The following ZNF608 variants were observed in gnomAD, a reference collection of about 807,000 sequenced individuals.
ZNF608 encodes zinc finger protein 608.
A neutral mutation model predicts 109.0 loss-of-function variants in ZNF608; 12 were observed. The observed-to-expected ratio is 0.11, with a 90% CI of 0.07 to 0.18. ZNF608 has a LOEUF of 0.18. ZNF608 is among the 10% of genes least tolerant of loss of function. ZNF608 has a pLI of 1.00. For missense variants in ZNF608, 1,707 were observed against 1,879.3 expected, an observed-to-expected ratio of 0.91 and a Z score of 1.70; for synonymous variants, 732 against 717.4, an observed-to-expected ratio of 1.02 and a Z score of -0.33.
intron 3 of ZNF608, among the ~76,000 whole-genome samples, chr5:124,669,677 A>AC (rs1751636159): frequency 6.6e-6 from 1 of 151,832 alleles, no homozygotes; most frequent in African/African-American, 2.4e-5. Context: ...ACACACACAC[A>AC]CACACACACT....
intron 3 of ZNF608, among the ~76,000 whole-genome samples, chr5:124,657,840 CAA>C (rs1162846351): frequency 4.6e-5 from 7 of 151,890 alleles, no homozygotes; most frequent in Non-Finnish European, 8.8e-5. Context: ...TTTTAAGTAA[CAA>C]AGAGCATCAT....
intron 2 of ZNF608, among the ~76,000 whole-genome samples, chr5:124,723,177 C>A (rs116190950): frequency 0.013 from 2,004 of 151,932 alleles, 43 homozygotes; most frequent in African/African-American, 0.045. Flanking sequence ...ATTACAGGCA[C>A]GCGACACCAC....
At chr5:124,705,535 T>C (rs1025201592) in intron 2 of ZNF608, among the ~76,000 whole-genome samples, 3 of 152,188 alleles carry the variant, frequency 2.0e-5, no homozygotes, top group Non-Finnish European at 4.4e-5. Context: ...TGGTCTGATA[T>C]TATAGTTCCC....
chr5:124,644,681 G>GA lies in ZNF608; in HGVS notation c.3706-21dup, dbSNP rs755871868. On this transcript the variant is annotated intron_variant, in intron 5 of 9. Transcript: ENST00000513986. ...TGGGTCCTGATTTTTTTGTTTTAAA[G>GA]AAAAAAAACCCAACAGATTTGTTTT... 2.7e-4 allele frequency: 402 copies of GA among 1,513,426 alleles called. 2 individuals carry two copies. In the Middle Eastern group the frequency reaches 3.4e-3, roughly 13 times the overall value. 93.7% of individuals were successfully genotyped at this position (1,513,426 alleles called of 1,614,324 possible).
At chr5:124,659,897 G>A (rs1751176672) in intron 3 of ZNF608, among the ~76,000 whole-genome samples, 1 of 152,152 alleles carries the variant, frequency 6.6e-6, no homozygotes, top group South Asian at 2.1e-4. Flanking sequence ...AAATTATGAT[G>A]CTTTATTTAA....
In ZNF608 at chr5:124,724,496, CA is replaced by C. The variant is rs5871102; in HGVS notation, c.906+19587del. On this transcript the variant is annotated intron_variant, in intron 2 of 9. Coordinates refer to ENST00000513986, the MANE Select transcript of ZNF608 (RefSeq NM_020747.3). ...AAACCCAGGGAGTATGCAAAGAGTG[CA>C]AAAAAAAAAAAAAAAAAAGACTGGC... Among the ~76,000 whole-genome samples, 77 of 100,064 alleles carry C rather than the reference CA, an allele frequency of 7.7e-4. No homozygotes were observed. In the East Asian group the frequency reaches 0.01, roughly 13 times the overall value. The allele number at this position is 100,064 out of a possible 152,430, so 65.6% of individuals were successfully genotyped here. A position where few individuals can be genotyped will look rare whatever the true frequency, so the allele number is the denominator to read the frequency against.
intron 3 of ZNF608, among the ~76,000 whole-genome samples, chr5:124,689,129 TG>T (rs1752509902): frequency 1.3e-5 from 2 of 152,178 alleles, no homozygotes; most frequent in South Asian, 4.1e-4. Flanking sequence ...CCAGGCATAC[TG>T]GGTCATGCCC....
In ZNF608 at chr5:124,648,031, A is replaced by T. The variant is rs1402295827; in HGVS notation, c.2353T>A (p.Leu785Ile). The change falls in exon 5 of 10, where the codon TTA becomes ATA. Residue 785 changes from leucine to isoleucine, a missense_variant. Physicochemically the swap from Leu to Ile is conservative, Grantham distance 5. Around this residue, in one of 7 missense-constraint regions of ZNF608, gnomAD observed 1,073 missense variants for 1,133.5 expected, o/e 0.95. Coordinates refer to ENST00000513986, the MANE Select transcript of ZNF608 (RefSeq NM_020747.3). ...VVQATPKSPP[L>I]KPIQPKPTIM... is the part of the protein sequence containing the mutation. ...GTGGGCTTTGGTTGAATGGGTTTTA[A>T]CGGAGGACTCTTTGGTGTAGCCTGA... 1 of 1,613,904 alleles carries T rather than the reference A, an allele frequency of 6.2e-7. No individual in the cohort carries two copies. The highest frequency in any genetic ancestry group is 1.3e-5 in the African/African-American group (1 of 74,842).
At chr5:124,650,261 C>T (rs1215781327) in intron 3 of ZNF608, among the ~76,000 whole-genome samples, 1 of 152,220 alleles carries the variant, frequency 6.6e-6, no homozygotes. Flanking sequence ...ACTACGATTT[C>T]ACTTCCCTAA....
intron 2 of ZNF608, among the ~76,000 whole-genome samples, chr5:124,709,170 C>CAA (rs1156276798): frequency 0.061 from 1,994 of 32,610 alleles, 391 homozygotes; most frequent in African/African-American, 0.16. Flanking sequence ...GACTCTGTCT[C>CAA]AAAAAAAAAA....
At chr5:124,697,841 C>T (rs944081652) in intron 3 of ZNF608, among the ~76,000 whole-genome samples, 10 of 152,150 alleles carry the variant, frequency 6.6e-5, no homozygotes, top group South Asian at 2.1e-4. Context: ...CAATATTCCC[C>T]CCAAAGAGTG....
chr5:124,644,813 G>A, intron 5 of ZNF608, 152 bp from the exon 6 acceptor site: 2 of 680,850 alleles, frequency 2.9e-6, no homozygotes, highest in Non-Finnish European at 4.7e-6. Context: ...TGTGCTAATT[G>A]CTTTACCTCC....
At chr5:124,671,893 T>G (rs1751744095) in intron 3 of ZNF608, among the ~76,000 whole-genome samples, 1 of 152,070 alleles carries the variant, frequency 6.6e-6, no homozygotes, top group African/African-American at 2.4e-5. Context: ...CTGCGTCAGC[T>G]TCCCAAACTG....
rs761279383 is a variant in ZNF608 at position 124,647,504 on chromosome 5, T to C, written c.2880A>G (p.Ser960=). 10 of 1,614,108 alleles carry C rather than the reference T, an allele frequency of 6.2e-6. No individual in the cohort carries two copies. Among genetic ancestry groups the C allele is most frequent in the African/African-American group, 4.0e-5 (3 of 74,926 alleles). The part of the protein sequence containing the change: ...GSDSRSEGMR[S]KASSPSDIIS... ...TAATATCTGATGGGGAACTGGCCTTTGATCTCATACCCTCCGACCTGCTGT... is the reference window on the plus strand; with the variant it reads ...TAATATCTGATGGGGAACTGGCCTTCGATCTCATACCCTCCGACCTGCTGT... Residue 960 remains serine, a synonymous_variant, in exon 5 of 10, where the codon TCA becomes TCG. Coordinates refer to ENST00000513986, the MANE Select transcript of ZNF608 (RefSeq NM_020747.3).
In ZNF608 at chr5:124,717,427, C is replaced by T. The variant is rs375818926; in HGVS notation, c.907-16158G>A. 8.5e-5 allele frequency among the ~76,000 whole-genome samples: 13 copies of T among 152,236 alleles called. No individual in the cohort carries two copies. In the South Asian group the frequency reaches 1.7e-3, roughly 19 times the overall value. ...CGGAAATTGCAGTGAGCCAAGATTGCGCCACTGCACTCCAGCCTGGGCGAC... is the reference window on the plus strand; with the variant it reads ...CGGAAATTGCAGTGAGCCAAGATTGTGCCACTGCACTCCAGCCTGGGCGAC... On this transcript the variant is annotated intron_variant, in intron 2 of 9. Transcript: ENST00000513986.
chr5:124,676,014 G>C (rs147495968), intron 3 of ZNF608, among the ~76,000 whole-genome samples: 5 of 152,280 alleles, frequency 3.3e-5, no homozygotes, highest in Non-Finnish European at 7.4e-5. Context: ...CCACACAAAG[G>C]CCTGCTGGCA....
intron 2 of ZNF608, among the ~76,000 whole-genome samples, chr5:124,741,743 G>C (rs2149905151): frequency 6.6e-6 from 1 of 152,238 alleles, no homozygotes; most frequent in South Asian, 2.1e-4. Flanking sequence ...ACTTTCCTGG[G>C]TGGCATTCAT....
chr5:124,644,468 T>C lies in ZNF608; in HGVS notation c.3899A>G (p.His1300Arg), dbSNP rs150674069. 1 of 1,614,182 alleles carries C rather than the reference T, an allele frequency of 6.2e-7. No homozygotes were observed. The highest frequency in any genetic ancestry group is 8.5e-7 in the Non-Finnish European group (1 of 1,180,040). The change falls in exon 6 of 10, where the codon CAT becomes CGT. Residue 1300 changes from histidine (H) to arginine (R), a missense_variant. Physicochemically the swap from His to Arg is conservative, Grantham distance 29 (BLOSUM62 0). Transcript: ENST00000513986. The stretch of plus-strand genomic sequence containing the variant: ...CTCCTCCATTGATTGAGAATCAGGA[T>C]GCTTGGCCTCTTTGGGCTCCTCTTT... The part of the protein sequence containing the change: ...SIKEEPKEAK[H>R]PDSQSMEESK...
chr5:124,669,028 T>C (rs775607441), intron 3 of ZNF608, among the ~76,000 whole-genome samples: 15 of 152,246 alleles, frequency 9.9e-5, no homozygotes, highest in Admixed American at 8.5e-4. Flanking sequence ...AGACTACCTA[T>C]TGCAAAGGGC....
Sources: gnomAD v4.1 joint callset for allele counts (sites outside exome capture counted in the v4.1 genomes callset) on GRCh38, gnomAD v4.1.1 for gene constraint, gnomAD v4.1.1 regional missense constraint, MANE v1.5 for transcripts, NCBI Gene and HGNC (gene_info 2026-07-23, HGNC 2026-07-21) for gene names.